Variants in VAV2 observed in about 807,000 individuals in gnomAD.
VAV2 encodes the protein vav guanine nucleotide exchange factor 2.
Under a neutral mutation model 132.5 loss-of-function variants are expected in VAV2, and 67 were observed. That is an observed-to-expected ratio of 0.51 (90% CI 0.42 to 0.62). The LOEUF (loss-of-function observed/expected upper bound fraction) is 0.62. VAV2 is among the 20% of genes least tolerant of loss of function. The probability of loss-of-function intolerance (pLI) is 0.00; values close to 1 mark genes in which losing one functional copy is unlikely to be tolerated. For synonymous variants in VAV2, 492 were observed against 443.5 expected, an observed-to-expected ratio of 1.11 and a Z score of -1.37; for missense variants, 938 against 1,153.6, an observed-to-expected ratio of 0.81 and a Z score of 2.71.
chr9:133,941,993 G>A (rs772382401), intron 1 of VAV2, among the ~76,000 whole-genome samples: 2 of 152,204 alleles, frequency 1.3e-5, no homozygotes, highest in East Asian at 1.9e-4. Context: ...GAGCGATGGG[G>A]TGGTTTCGTG....
At chr9:133,816,151 A>G (rs1835551761) in intron 4 of VAV2, among the ~76,000 whole-genome samples, 1 of 152,196 alleles carries the variant, frequency 6.6e-6, no homozygotes, top group Non-Finnish European at 1.5e-5. Flanking sequence ...GAGTCTGTTC[A>G]AGACTTTTGT....
chr9:133,774,055 T>C (rs375937574), intron 25 of VAV2, among the ~76,000 whole-genome samples: 131 of 152,334 alleles, frequency 8.6e-4, no homozygotes, highest in African/African-American at 3.1e-3. Context: ...GGCCGATGAC[T>C]GTATTTATCT....
chr9:133,830,774 T>C (rs1040192282), intron 4 of VAV2, among the ~76,000 whole-genome samples: 1 of 152,078 alleles, frequency 6.6e-6, no homozygotes, highest in African/African-American at 2.4e-5. Flanking sequence ...GTCTTGTAAA[T>C]TGCCATAATG....
chr9:133,972,033 C>T (rs369104391), intron 1 of VAV2, among the ~76,000 whole-genome samples: 140 of 152,268 alleles, frequency 9.2e-4, no homozygotes, highest in African/African-American at 3.1e-3. Context: ...GGTCACACAG[C>T]GCGGATGCAG....
At position 133,992,008 on chromosome 9, in the gene VAV2, T is replaced by G; in HGVS notation, c.204+67A>C. 2 of 1,317,876 alleles carry G rather than the reference T, an allele frequency of 1.5e-6. No homozygotes were observed. Among genetic ancestry groups the G allele is most frequent in the Non-Finnish European group, 9.8e-7 (1 of 1,018,354 alleles). 81.6% of individuals were successfully genotyped at this position (1,317,876 alleles called of 1,614,324 possible). On this transcript the variant is annotated intron_variant, in intron 1 of 29. Coordinates refer to ENST00000371850, the MANE Select transcript of VAV2 (RefSeq NM_001134398.2). This position sits in a 1 kb window ranked among gnomAD's most constrained non-coding sequence, Gnocchi z 5.5. ...GGCCGCCGCCGCTGCGACCTCCGCGTTCAGTCCGCGCGTCGGGCAGCGCGA... is the reference window on the plus strand; with the variant it reads ...GGCCGCCGCCGCTGCGACCTCCGCGGTCAGTCCGCGCGTCGGGCAGCGCGA...
chr9:133,951,268 T>A (rs1213170213), intron 1 of VAV2, among the ~76,000 whole-genome samples: 1 of 152,156 alleles, frequency 6.6e-6, no homozygotes, highest in Non-Finnish European at 1.5e-5. Flanking sequence ...TGTCAAAAAC[T>A]CTTCTTAGTC....
chr9:133,976,597 G>A (rs1354164861), intron 1 of VAV2, among the ~76,000 whole-genome samples: 2 of 152,182 alleles, frequency 1.3e-5, no homozygotes, highest in South Asian at 2.1e-4. Context: ...TGGAGTTGTG[G>A]AACTTTTTCA....
rs369424247 is a variant in VAV2, at chr9:133,791,796, G to C, written c.1175C>G (p.Ser392Cys). The C allele has an allele frequency of 6.2e-7, 1 of 1,614,132 alleles. No individual in the cohort carries two copies. Among genetic ancestry groups the C allele is most frequent in the Non-Finnish European group, 8.5e-7 (1 of 1,179,992 alleles). The part of the protein sequence containing the change: ...TLRKISEFQS[S>C]IENLQVKLEE... ...AGTCTCACTCACCAAATTTTCTATA[G>C]AACTCTGAAATTCGCTGATTTTCCT... The change falls in exon 13 of 30, where the codon TCT (serine) becomes TGT (cysteine). Residue 392 changes from serine to cysteine, a missense_variant. Physicochemically the swap from Ser to Cys is moderately radical, Grantham distance 112. Transcript: ENST00000371850.
At chr9:133,815,167 G>A (rs371703369) in intron 4 of VAV2, among the ~76,000 whole-genome samples, 32 of 152,022 alleles carry the variant, frequency 2.1e-4, no homozygotes, top group African/African-American at 7.2e-4. Context: ...TAGAAAAGGG[G>A]TGTGGAAGGC....
chr9:133,772,652 A>T (rs968314344), intron 25 of VAV2, among the ~76,000 whole-genome samples: 5 of 151,620 alleles, frequency 3.3e-5, no homozygotes, highest in Non-Finnish European at 7.4e-5. Context: ...AGACATCACA[A>T]GAAAACTACA....
intron 4 of VAV2, among the ~76,000 whole-genome samples, chr9:133,817,599 ACT>A: frequency 6.6e-6 from 1 of 152,060 alleles, no homozygotes; most frequent in East Asian, 1.9e-4. Flanking sequence ...CAAGAGTGAA[ACT>A]CTGTCTCGAA....
At chr9:133,872,641 A>G (rs560019478) in intron 2 of VAV2, among the ~76,000 whole-genome samples, 2 of 150,518 alleles carry the variant, frequency 1.3e-5, no homozygotes, top group Admixed American at 1.3e-4. Flanking sequence ...GGACCCGGGG[A>G]GAGAAGAGGC....
chr9:133,941,620 G>T (rs1035038564), intron 1 of VAV2, among the ~76,000 whole-genome samples: 1 of 136,616 alleles, frequency 7.3e-6, no homozygotes, highest in Non-Finnish European at 1.6e-5. Flanking sequence ...GGGGGGGGGG[G>T]GGACGGAATT....
intron 2 of VAV2, among the ~76,000 whole-genome samples, chr9:133,917,830 G>A (rs1840152819): frequency 1.3e-5 from 2 of 152,190 alleles, no homozygotes; most frequent in Admixed American, 6.5e-5. Flanking sequence ...AGGCTAGCTG[G>A]ACCCACACCC....
chr9:133,804,188 G>A lies in VAV2; in HGVS notation c.836+1893C>T, dbSNP rs1198407973. ...AAGCAAGAACCAGGACCTTGGGGCC[G>A]AATCCGAAATGAGAGGAAAGGGGCA... is the stretch of plus-strand genomic sequence containing the variant. On this transcript the variant is annotated intron_variant, in intron 9 of 29. Transcript: ENST00000371850. The surrounding 1 kb of genome is among the most constrained non-coding windows in gnomAD (Gnocchi z 4.5). Among the ~76,000 whole-genome samples the A allele has an allele frequency of 6.6e-6, 1 of 152,324 alleles. No individual in the cohort carries two copies. Among genetic ancestry groups the A allele is most frequent in the East Asian group, 1.9e-4 (1 of 5,192 alleles).
chr9:133,839,349 G>A (rs1836623412), intron 3 of VAV2, among the ~76,000 whole-genome samples: 1 of 152,078 alleles, frequency 6.6e-6, no homozygotes, highest in African/African-American at 2.4e-5. Flanking sequence ...TGGTGGGTGG[G>A]ATTAGTGGGT....
intron 26 of VAV2, among the ~76,000 whole-genome samples, chr9:133,771,062 C>CTTTTTTTT: frequency 8.5e-6 from 1 of 117,704 alleles, no homozygotes. Flanking sequence ...TATGGATTTT[C>CTTTTTTTT]TTTTTTTTTT....
At chr9:133,868,472 C>T (rs1420823803) in intron 2 of VAV2, among the ~76,000 whole-genome samples, 2 of 152,188 alleles carry the variant, frequency 1.3e-5, no homozygotes, top group African/African-American at 2.4e-5. Flanking sequence ...AGTGTCTACC[C>T]GTGTGGCTGT....
At position 133,928,752 on chromosome 9, in the gene VAV2, G is replaced by A. The variant is rs376886115; in HGVS notation, c.321+10351C>T. Among the ~76,000 whole-genome samples the A allele has an allele frequency of 4.7e-4, 71 of 152,322 alleles. 1 individual carries two copies. In the South Asian group the frequency reaches 0.014, roughly 30 times the overall value. ...GAGCCTGCGGGACACATTCATCAAC[G>A]CAGATGTAAAATGGAGAAATCAATG... On this transcript the variant is annotated intron_variant, in intron 2 of 29. Coordinates refer to ENST00000371850, the MANE Select transcript of VAV2 (RefSeq NM_001134398.2). This position sits in a 1 kb window ranked among gnomAD's most constrained non-coding sequence, Gnocchi z 5.4.
Sources: gnomAD v4.1 joint callset for allele counts (sites outside exome capture counted in the v4.1 genomes callset) on GRCh38, gnomAD v4.1.1 for gene constraint, Gnocchi (gnomAD v3.1) non-coding constraint, MANE v1.5 for transcripts, NCBI Gene and HGNC (gene_info 2026-07-23, HGNC 2026-07-21) for gene names.